The following STAG1 variants were observed in gnomAD, a reference collection of about 807,000 sequenced individuals.
STAG1 encodes cohesin subunit SA-1.
In STAG1, 26 loss-of-function variants were observed where a neutral mutation model predicts 170.9. That is an observed-to-expected ratio of 0.15 (90% confidence interval 0.11 to 0.21). The LOEUF (loss-of-function observed/expected upper bound fraction) is 0.21. Among genes scored for constraint, STAG1 ranks in the 10% least tolerant of loss-of-function variants. STAG1 has a pLI of 1.00. For missense variants in STAG1, 964 were observed against 1,509.5 expected (o/e 0.64, Z 5.99); for synonymous variants, 514 against 497.7 (o/e 1.03, Z -0.44).
intron 6 of STAG1, among the ~76,000 whole-genome samples, chr3:136,539,302 C>T (rs1040964758): frequency 2.0e-5 from 3 of 151,816 alleles, no homozygotes; most frequent in African/African-American, 7.3e-5. Flanking sequence ...GATGTTAATC[C>T]TTTGATTAAA....
At chr3:136,350,494 C>T (rs552160479) in intron 28 of STAG1, among the ~76,000 whole-genome samples, 1 of 152,326 alleles carries the variant, frequency 6.6e-6, no homozygotes, top group African/African-American at 2.4e-5. Flanking sequence ...GCTGAGAACA[C>T]TGGAACCCTG....
At chr3:136,569,306 G>T (rs1490596186) in intron 4 of STAG1, among the ~76,000 whole-genome samples, 1 of 145,198 alleles carries the variant, frequency 6.9e-6, no homozygotes, top group Non-Finnish European at 1.5e-5. Flanking sequence ...TTAATATTAA[G>T]AAATCAAATA....
chr3:136,440,185 T>G (rs2088590256), intron 15 of STAG1, among the ~76,000 whole-genome samples: 1 of 152,178 alleles, frequency 6.6e-6, no homozygotes, highest in African/African-American at 2.4e-5. Flanking sequence ...TCACCCAGGC[T>G]GAAGGGCAGT....
intron 1 of STAG1, among the ~76,000 whole-genome samples, chr3:136,681,092 T>A (rs567990706): frequency 4.9e-4 from 75 of 152,324 alleles, no homozygotes; most frequent in Non-Finnish European, 3.2e-4. Flanking sequence ...AGAAAAAGTC[T>A]ATACACATGC....
At chr3:136,478,490 T>C (rs1417020452) in intron 9 of STAG1, among the ~76,000 whole-genome samples, 3 of 152,244 alleles carry the variant, frequency 2.0e-5, no homozygotes, top group Non-Finnish European at 2.9e-5. Flanking sequence ...CCTAATTTTC[T>C]TCTGTAGATC....
At chr3:136,720,676 C>T (rs974327633) in intron 1 of STAG1, among the ~76,000 whole-genome samples, 1 of 152,048 alleles carries the variant, frequency 6.6e-6, no homozygotes, top group Non-Finnish European at 1.5e-5. Context: ...TGTAATCCTG[C>T]TACTCGGGAG....
chr3:136,594,215 T>C (rs893645881), intron 4 of STAG1, among the ~76,000 whole-genome samples: 4 of 152,158 alleles, frequency 2.6e-5, no homozygotes, highest in African/African-American at 9.7e-5. Flanking sequence ...TTCCTTGGTA[T>C]AGTCATAGAG....
chr3:136,458,263 T>C (rs1225188696), intron 13 of STAG1, among the ~76,000 whole-genome samples: 2 of 152,070 alleles, frequency 1.3e-5, no homozygotes, highest in Non-Finnish European at 1.5e-5. Flanking sequence ...TTCAAGCAAT[T>C]CTCCTGCCTC....
chr3:136,613,987 G>A, intron 3 of STAG1, among the ~76,000 whole-genome samples: 1 of 152,122 alleles, frequency 6.6e-6, no homozygotes, highest in Non-Finnish European at 1.5e-5. Flanking sequence ...GGCTGATGCG[G>A]ATGGATTAGC....
intron 12 of STAG1, 124 bp downstream of exon 12, chr3:136,472,287 ATG>A: frequency 1.9e-6 from 1 of 524,128 alleles, no homozygotes; most frequent in Admixed American, 3.8e-5. Flanking sequence ...TAACGTTAAA[ATG>A]TAAAAGTTGA....
intron 1 of STAG1, among the ~76,000 whole-genome samples, chr3:136,735,409 AGCCACTGT>A (rs1335959425): frequency 6.6e-6 from 1 of 150,950 alleles, no homozygotes; most frequent in Admixed American, 6.6e-5. Flanking sequence ...TACAGGCATG[AGCCACTGT>A]GCCCAGCCTT....
intron 6 of STAG1, among the ~76,000 whole-genome samples, chr3:136,541,544 A>ACACACACACACACT (rs1935903651): frequency 7.2e-6 from 1 of 139,234 alleles, no homozygotes; most frequent in Non-Finnish European, 1.6e-5. Flanking sequence ...ACATTCACAC[A>ACACACACACACACT]CACACACACA....
Position 136,338,285 on chromosome 3 carries a change from AATG to A in STAG1, c.3754-11_3754-9del, listed in dbSNP as rs749911602. 10 of 1,604,878 alleles carry A rather than the reference AATG, an allele frequency of 6.2e-6. No individual in the cohort carries two copies. Among genetic ancestry groups the A allele is most frequent in the South Asian group, 2.2e-5 (2 of 90,686 alleles). ...CATAGGCATTCCAAATCCCTAGAAAAATGATGAGAAACATAATTATTAATTTCA... is the reference window on the plus strand; with the variant it reads ...CATAGGCATTCCAAATCCCTAGAAAAATGAGAAACATAATTATTAATTTCA... On this transcript the variant is annotated splice_polypyrimidine_tract_variant and intron_variant, in intron 33 of 33. Transcript: ENST00000383202.
intron 9 of STAG1, 50 bp from the exon 10 acceptor site, chr3:136,477,462 T>C (rs766268251): frequency 1.3e-6 from 2 of 1,502,748 alleles, no homozygotes; most frequent in Non-Finnish European, 1.8e-6. Context: ...AAAGCTAGAA[T>C]GCATTCATAC....
chr3:136,521,165 A>G (rs760694228), intron 7 of STAG1, 48 bp downstream of exon 7: 1 of 1,443,556 alleles, frequency 6.9e-7, no homozygotes, highest in African/African-American at 1.4e-5. Context: ...AGAATAAAAC[A>G]TAGTCAACAA....
intron 23 of STAG1, among the ~76,000 whole-genome samples, chr3:136,376,741 G>T (rs528963878): frequency 2.6e-5 from 4 of 151,990 alleles, no homozygotes; most frequent in African/African-American, 7.2e-5. Flanking sequence ...ATGATAAAAG[G>T]GTATGTCATA....
chr3:136,673,579 G>A (rs1942039959), intron 1 of STAG1, among the ~76,000 whole-genome samples: 1 of 152,140 alleles, frequency 6.6e-6, no homozygotes, highest in South Asian at 2.1e-4. Context: ...ATTACATGTT[G>A]TATGTATGTA....
chr3:136,394,244 T>C (rs908415210), intron 22 of STAG1, among the ~76,000 whole-genome samples: 36 of 152,110 alleles, frequency 2.4e-4, no homozygotes, highest in Admixed American at 2.0e-3. Context: ...GTCTTAAAAA[T>C]TCATGCTTTT....
intron 28 of STAG1, among the ~76,000 whole-genome samples, chr3:136,351,649 G>C (rs934834876): frequency 6.6e-5 from 10 of 152,034 alleles, no homozygotes; most frequent in African/African-American, 2.4e-4. Flanking sequence ...CTTACACCTA[G>C]GAGCAACTCC....
Sources: allele counts gnomAD v4.1 joint callset (sites outside exome capture counted in the v4.1 genomes callset), GRCh38; gene constraint gnomAD v4.1.1; transcripts MANE v1.5; gene names NCBI Gene and HGNC (gene_info 2026-07-23, HGNC 2026-07-21).